Variants in FAM107B observed in about 807,000 individuals in gnomAD.
The protein encoded by FAM107B is protein FAM107B.
A neutral mutation model predicts 31.5 loss-of-function variants in FAM107B; 21 were observed. The observed-to-expected ratio is 0.67, with a 90% CI of 0.47 to 0.96. The LOEUF (loss-of-function observed/expected upper bound fraction) is 0.96. Ranked by LOEUF, FAM107B falls within the 40% of genes least tolerant of loss-of-function variation. FAM107B has a pLI of 0.00. For synonymous variants in FAM107B, 157 were observed against 141.5 expected (o/e 1.11, Z -0.78); for missense variants, 452 against 377.1 (o/e 1.20, Z -1.64).
chr10:14,728,549 C>T (rs893893606), intron 1 of FAM107B, among the ~76,000 whole-genome samples: 4 of 152,172 alleles, frequency 2.6e-5, no homozygotes, highest in African/African-American at 9.7e-5. Context: ...TCACTGAAAG[C>T]TTGTCAACAG....
chr10:14,705,894 G>A (rs1367366478), intron 1 of FAM107B, among the ~76,000 whole-genome samples: 2 of 152,152 alleles, frequency 1.3e-5, no homozygotes, highest in Non-Finnish European at 2.9e-5. Flanking sequence ...TAACGTTAAG[G>A]CAACAGAAGT....
rs868392430 is a variant in FAM107B at position 14,770,786 on chromosome 10, C to T, written c.411+3467G>A. Among the ~76,000 whole-genome samples the T allele has an allele frequency of 5.3e-5, 8 of 152,078 alleles. 1 individual carries two copies. In the Middle Eastern group the frequency reaches 0.01, roughly 194 times the overall value. On this transcript the variant is annotated intron_variant, in intron 1 of 4. Transcript: ENST00000181796. ...CATTTCTTCAATACAGACATGTGCG[C>T]TCATCACTAAACCAAACAAAAATGT...
chr10:14,694,114 T>A (rs1471987708), intron 1 of FAM107B, among the ~76,000 whole-genome samples: 1 of 152,260 alleles, frequency 6.6e-6, no homozygotes, highest in African/African-American at 2.4e-5. Flanking sequence ...TATCCATTCA[T>A]GCACTGATGG....
intron 2 of FAM107B, among the ~76,000 whole-genome samples, chr10:14,572,712 C>A (rs1440012599): frequency 1.4e-5 from 1 of 69,238 alleles, no homozygotes; most frequent in African/African-American, 5.0e-5. Context: ...ACACAGAGAC[C>A]CCATCTCTTC....
chr10:14,716,897 C>T (rs1020471445), intron 1 of FAM107B, among the ~76,000 whole-genome samples: 1 of 152,096 alleles, frequency 6.6e-6, no homozygotes. Flanking sequence ...TGAGACCAAC[C>T]TGGCCAACAT....
At chr10:14,572,116 T>TCTAGCAACTTCTGAAAGCAGGAA (rs1851275825) in intron 2 of FAM107B, 1 of 985,152 alleles carries the variant, frequency 1.0e-6, no homozygotes, top group African/African-American at 1.7e-5. Context: ...AGAGAAACAC[T>TCTAGCAACTTCTGAAAGCAGGAA]CTAGCAACTT....
intron 2 of FAM107B, among the ~76,000 whole-genome samples, chr10:14,616,912 C>G (rs988700578): frequency 9.9e-5 from 15 of 151,728 alleles, no homozygotes; most frequent in African/African-American, 3.6e-4. Flanking sequence ...CAGGGAGACC[C>G]TGTCTCAAAA....
chr10:14,522,281 CT>C, intron 3 of FAM107B: 1 of 444,204 alleles, frequency 2.3e-6, no homozygotes. Flanking sequence ...AGACACTAGG[CT>C]ACGCAAAGGA....
chr10:14,582,624 C>T lies in FAM107B; in HGVS notation c.470-52109G>A, dbSNP rs568547939. Among the ~76,000 whole-genome samples the T allele has an allele frequency of 5.9e-5, 9 of 151,902 alleles. No individual in the cohort carries two copies. The South Asian group carries it at 1.9e-3, about 32-fold the overall frequency. On this transcript the variant is annotated intron_variant, in intron 2 of 4. Coordinates refer to ENST00000181796, the MANE Select transcript of FAM107B (RefSeq NM_031453.4). The stretch of plus-strand genomic sequence containing the variant: ...GATCTCCTGACCTTGTGATCTGCCC[C>T]CCTCGGCCTCCCAAAGAGCTGGGAT...
chr10:14,637,921 C>T (rs527330260), intron 2 of FAM107B, among the ~76,000 whole-genome samples: 2 of 152,280 alleles, frequency 1.3e-5, no homozygotes, highest in South Asian at 4.1e-4. Context: ...GCCTAGCAGA[C>T]ACTTTGATTG....
At chr10:14,561,927 G>C (rs751343520) in intron 2 of FAM107B, among the ~76,000 whole-genome samples, 8 of 152,190 alleles carry the variant, frequency 5.3e-5, no homozygotes, top group Non-Finnish European at 1.0e-4. Flanking sequence ...TGGGACTACA[G>C]GCATGTGCCA....
At chr10:14,752,375 C>A (rs1832846582) in intron 1 of FAM107B, among the ~76,000 whole-genome samples, 1 of 152,240 alleles carries the variant, frequency 6.6e-6, no homozygotes, top group South Asian at 2.1e-4. Context: ...TTTCTCGATC[C>A]TGTACCCTGA....
At chr10:14,618,040 A>G (rs1360548691) in intron 2 of FAM107B, among the ~76,000 whole-genome samples, 1 of 152,180 alleles carries the variant, frequency 6.6e-6, no homozygotes, top group Non-Finnish European at 1.5e-5. Flanking sequence ...GGAATATTTC[A>G]CCACCTAAAA....
Position 14,521,863 on chromosome 10 carries a change from C to A in FAM107B, c.804+6G>T. ...AAAAAGACAGCTTCCAGCCAATCCC[C>A]CTTACCTGCTCCAACTTCTGCTGCC... On this transcript the variant is annotated splice_donor_region_variant and intron_variant, in intron 4 of 4. Transcript: ENST00000181796. 1 of 1,613,518 alleles carries A rather than the reference C, an allele frequency of 6.2e-7. No individual in the cohort carries two copies.
intron 1 of FAM107B, among the ~76,000 whole-genome samples, chr10:14,766,031 C>A (rs978394740): frequency 3.9e-5 from 6 of 152,230 alleles, no homozygotes; most frequent in East Asian, 3.9e-4. Context: ...GCAGATGGTA[C>A]CCCCAAGTCT....
intron 1 of FAM107B, among the ~76,000 whole-genome samples, chr10:14,693,934 T>C (rs1855205427): frequency 6.6e-6 from 1 of 152,234 alleles, no homozygotes; most frequent in Non-Finnish European, 1.5e-5. Context: ...TTGTTGTTGG[T>C]TTTTTTAGAT....
rs183944543 is a variant in FAM107B at position 14,634,813 on chromosome 10, G to A, written c.469+32821C>T. On this transcript the variant is annotated intron_variant, in intron 2 of 4. Transcript: ENST00000181796. ...TTGGATAGAAACCTCAGTCTTGGCC[G>A]GGTGCGGTGTCTCACGCCTATAATC... Among the ~76,000 whole-genome samples, 358 of 152,208 alleles carry A rather than the reference G, an allele frequency of 2.4e-3. 3 individuals carry two copies. The highest frequency in any genetic ancestry group is 7.9e-3 in the African/African-American group (330 of 41,530).
chr10:14,572,046 T>C, intron 2 of FAM107B: 1 of 985,352 alleles, frequency 1.0e-6, no homozygotes, highest in Non-Finnish European at 1.2e-6. Flanking sequence ...AAACAAGAAT[T>C]AACCATCCCC....
intron 1 of FAM107B, among the ~76,000 whole-genome samples, chr10:14,770,142 C>T (rs1302991150): frequency 2.0e-5 from 3 of 152,182 alleles, no homozygotes; most frequent in African/African-American, 7.2e-5. Flanking sequence ...ACATCAGCAA[C>T]CTCACAGATT....
Sources: gnomAD v4.1 joint callset for allele counts (sites outside exome capture counted in the v4.1 genomes callset) on GRCh38, gnomAD v4.1.1 for gene constraint, MANE v1.5 for transcripts, NCBI Gene and HGNC (gene_info 2026-07-23, HGNC 2026-07-21) for gene names.